The following SH3D19 variants were observed in gnomAD, a reference collection of about 807,000 sequenced individuals.
The protein encoded by SH3D19 is SH3 domain-containing protein 19.
SH3D19 carries 58 observed loss-of-function variants against 112.1 expected under a neutral mutation model. That is an observed-to-expected ratio of 0.52 (90% CI 0.42 to 0.64). SH3D19 has a LOEUF of 0.64. Ranked by LOEUF, SH3D19 falls within the 30% of genes least tolerant of loss-of-function variation. The probability of loss-of-function intolerance (pLI) is 0.00; values close to 1 mark genes in which losing one functional copy is unlikely to be tolerated. For missense variants in SH3D19, 1,090 were observed against 1,263.4 expected (o/e 0.86, Z 2.08); for synonymous variants, 391 against 448.5 (o/e 0.87, Z 1.62).
intron 2 of SH3D19, among the ~76,000 whole-genome samples, chr4:151,219,388 G>A (rs1646846730): frequency 6.6e-6 from 1 of 152,120 alleles, no homozygotes; most frequent in Non-Finnish European, 1.5e-5. Context: ...ACTTGCCCAT[G>A]AGTTGAGCCC....
At chr4:151,192,227 G>A (rs1045230051) in intron 2 of SH3D19, among the ~76,000 whole-genome samples, 4 of 152,116 alleles carry the variant, frequency 2.6e-5, no homozygotes, top group South Asian at 2.1e-4. Context: ...GTGAGCCACC[G>A]CGCCCGGCAA....
At chr4:151,184,018 T>G (rs1245846035) in intron 3 of SH3D19, among the ~76,000 whole-genome samples, 1 of 152,180 alleles carries the variant, frequency 6.6e-6, no homozygotes, top group Non-Finnish European at 1.5e-5. Flanking sequence ...GTAAACAATA[T>G]TAACTAAGTC....
chr4:151,164,094 G>A (rs973282219), intron 8 of SH3D19, among the ~76,000 whole-genome samples: 2 of 152,024 alleles, frequency 1.3e-5, no homozygotes, highest in Non-Finnish European at 2.9e-5. Context: ...GATCCTTCTG[G>A]GTAGTGCTTT....
At chr4:151,194,751 T>C (rs1418396366) in intron 2 of SH3D19, among the ~76,000 whole-genome samples, 1 of 146,354 alleles carries the variant, frequency 6.8e-6, no homozygotes, top group African/African-American at 2.5e-5. Flanking sequence ...TTTCTTCATT[T>C]TTCGTCAAAC....
chr4:151,123,634 T>C (rs996322198), intron 19 of SH3D19, among the ~76,000 whole-genome samples: 5 of 152,210 alleles, frequency 3.3e-5, no homozygotes, highest in African/African-American at 1.2e-4. Flanking sequence ...TCACCTTGAC[T>C]CAGGACACTG....
intron 1 of SH3D19, chr4:151,283,394 C>A: frequency 1.2e-6 from 1 of 855,544 alleles, no homozygotes; most frequent in Non-Finnish European, 1.8e-6. Context: ...GATGAGGGTT[C>A]TAAGAATAAC....
At chr4:151,266,724 G>A (rs1772819782) in intron 1 of SH3D19, among the ~76,000 whole-genome samples, 1 of 152,174 alleles carries the variant, frequency 6.6e-6, no homozygotes. Context: ...GTCAAGTCAT[G>A]TTGCTTATGG....
chr4:151,216,191 A>G (rs193263930), intron 2 of SH3D19, among the ~76,000 whole-genome samples: 78 of 152,348 alleles, frequency 5.1e-4, no homozygotes, highest in Middle Eastern at 3.4e-3. Flanking sequence ...TTAATGAGAC[A>G]GGAGGTGATT....
intron 2 of SH3D19, among the ~76,000 whole-genome samples, chr4:151,198,353 A>T (rs1763838304): frequency 7.4e-6 from 1 of 135,382 alleles, no homozygotes; most frequent in Non-Finnish European, 1.6e-5. Flanking sequence ...ATTATATAAA[A>T]TATAAAATTA....
At chr4:151,282,538 A>G in intron 1 of SH3D19, 1 of 916,742 alleles carries the variant, frequency 1.1e-6, no homozygotes, top group East Asian at 2.7e-5. Flanking sequence ...ATCTAATGAT[A>G]TTATCTATAA....
At chr4:151,311,915 C>CA (rs1249649506) in intron 1 of SH3D19, among the ~76,000 whole-genome samples, 7 of 152,036 alleles carry the variant, frequency 4.6e-5, no homozygotes, top group African/African-American at 1.7e-4. Flanking sequence ...AGGTATTATT[C>CA]AAAGGTCTAA....
chr4:151,184,463 A>ATTTCTT (rs1761424392), intron 3 of SH3D19, among the ~76,000 whole-genome samples: 1 of 152,244 alleles, frequency 6.6e-6, no homozygotes, highest in Non-Finnish European at 1.5e-5. Context: ...AACATCAGGA[A>ATTTCTT]TACAAGTATT....
intron 1 of SH3D19, among the ~76,000 whole-genome samples, chr4:151,322,541 T>C (rs1317545218): frequency 6.6e-6 from 1 of 151,714 alleles, no homozygotes; most frequent in Admixed American, 6.6e-5. Context: ...TTATTTATTT[T>C]AGAATCATGC....
At chr4:151,153,703 C>T (rs1755524796) in intron 9 of SH3D19, among the ~76,000 whole-genome samples, 1 of 152,102 alleles carries the variant, frequency 6.6e-6, no homozygotes, top group South Asian at 2.1e-4. Context: ...TAGTCTGATT[C>T]TTCATCTCTT....
intron 12 of SH3D19, 33 bp from the exon 13 acceptor site, chr4:151,139,880 T>C: frequency 6.2e-7 from 1 of 1,606,164 alleles, no homozygotes; most frequent in African/African-American, 1.3e-5. Context: ...GAATGAAGTG[T>C]GCAGGATAGA....
intron 2 of SH3D19, among the ~76,000 whole-genome samples, chr4:151,222,671 T>TC (rs1337280776): frequency 3.9e-5 from 5 of 129,554 alleles, no homozygotes; most frequent in African/African-American, 6.2e-5. Context: ...CTCTCTCTTT[T>TC]TTTTTTTTTT....
At chr4:151,299,887 A>C (rs745663913) in intron 1 of SH3D19, among the ~76,000 whole-genome samples, 52 of 152,268 alleles carry the variant, frequency 3.4e-4, no homozygotes, top group Admixed American at 3.3e-4. Flanking sequence ...ACTTCTAAAA[A>C]CAGGTTGCAG....
At position 151,266,586 on chromosome 4, in the gene SH3D19, T is replaced by C. The variant is rs1772812344; in HGVS notation, c.113-40500A>G. ...CCCTTAGTGAGAATAAATATTCTGG[T>C]TCATACATAAGCCTCAGAGTTTAGT... On this transcript the variant is annotated intron_variant, in intron 1 of 19. Coordinates refer to ENST00000604030, the MANE Select transcript of SH3D19 (RefSeq NM_001378122.1). Among the ~76,000 whole-genome samples the C allele has an allele frequency of 2.6e-5, 4 of 152,188 alleles. No homozygotes were observed. The South Asian group carries it at 8.3e-4, about 32-fold the overall frequency.
At chr4:151,185,164 T>C (rs1051084307) in intron 3 of SH3D19, among the ~76,000 whole-genome samples, 3 of 151,186 alleles carry the variant, frequency 2.0e-5, no homozygotes, top group African/African-American at 7.3e-5. Context: ...CAGATTGTGA[T>C]TCCCTAACAA....
Sources: allele counts gnomAD v4.1 joint callset (sites outside exome capture counted in the v4.1 genomes callset), GRCh38; gene constraint gnomAD v4.1.1; transcripts MANE v1.5; gene names NCBI Gene and HGNC (gene_info 2026-07-23, HGNC 2026-07-21).